The following PGCKA1 variants were observed in gnomAD, a reference collection of about 807,000 sequenced individuals.
The protein encoded by PGCKA1 is PDCD10 and GCKIII kinases associated 1, also known as PDCD10 and GCKIII kinases-associated protein 1.
the PGCKA1 span, among the ~76,000 whole-genome samples, chr4:37,526,239 C>A: frequency 6.6e-6 from 1 of 152,162 alleles, no homozygotes; most frequent in African/African-American, 2.4e-5. Context: ...TTATGAAATT[C>A]TTGGAAAGAG....
At chr4:37,551,699 T>C in the PGCKA1 span, among the ~76,000 whole-genome samples, 20 of 152,176 alleles carry the variant, frequency 1.3e-4, 1 homozygote, top group Non-Finnish European at 2.9e-5. Flanking sequence ...GTAGCACAGA[T>C]TCAACCCTGA....
chr4:37,474,225 G>A, the PGCKA1 span, among the ~76,000 whole-genome samples: 1 of 152,066 alleles, frequency 6.6e-6, no homozygotes, highest in Non-Finnish European at 1.5e-5. Flanking sequence ...GAAGAGTTCT[G>A]GCCCTCTTCC....
At chr4:37,537,066 C>A in the PGCKA1 span, among the ~76,000 whole-genome samples, 1 of 152,340 alleles carries the variant, frequency 6.6e-6, no homozygotes, top group South Asian at 2.1e-4. Context: ...ATAATTACAT[C>A]TTTCCAGTAA....
the PGCKA1 span, among the ~76,000 whole-genome samples, chr4:37,509,425 C>T: frequency 1.9e-4 from 26 of 137,288 alleles, no homozygotes; most frequent in African/African-American, 6.5e-4. Context: ...GAGATGCTCC[C>T]CACATCTCAG....
the PGCKA1 span, among the ~76,000 whole-genome samples, chr4:37,516,354 C>A: frequency 6.6e-6 from 1 of 152,190 alleles, no homozygotes; most frequent in Non-Finnish European, 1.5e-5. Flanking sequence ...TGACCGAAAT[C>A]GATGTTTTCC....
At chr4:37,468,948 A>G in the PGCKA1 span, among the ~76,000 whole-genome samples, 10 of 152,166 alleles carry the variant, frequency 6.6e-5, no homozygotes, top group South Asian at 2.1e-4. Flanking sequence ...TTAAACTAGG[A>G]TTTTGATATA....
At chr4:37,546,988 T>C in the PGCKA1 span, among the ~76,000 whole-genome samples, 3 of 152,262 alleles carry the variant, frequency 2.0e-5, no homozygotes, top group Non-Finnish European at 2.9e-5. Flanking sequence ...ACCCACGGCA[T>C]GCCTTAATCG....
At chr4:37,516,657 AT>A in the PGCKA1 span, among the ~76,000 whole-genome samples, 1 of 152,206 alleles carries the variant, frequency 6.6e-6, no homozygotes, top group African/African-American at 2.4e-5. Context: ...ACTAAGTCAC[AT>A]TGCCCAGAAA....
At chr4:37,468,203 T>A in the PGCKA1 span, among the ~76,000 whole-genome samples, 1 of 152,176 alleles carries the variant, frequency 6.6e-6, no homozygotes, top group Admixed American at 6.5e-5. Context: ...TTCTCATAGG[T>A]CCTTTTCACA....
the PGCKA1 span, among the ~76,000 whole-genome samples, chr4:37,469,749 A>G: frequency 6.6e-6 from 1 of 152,190 alleles, no homozygotes; most frequent in South Asian, 2.1e-4. Context: ...TTGGTATGAC[A>G]TATAGTTACT....
the PGCKA1 span, among the ~76,000 whole-genome samples, chr4:37,510,110 C>A: frequency 6.6e-5 from 10 of 152,090 alleles, no homozygotes; most frequent in African/African-American, 2.4e-4. Context: ...ATTCTGAATT[C>A]CTTCTCTGCA....
the PGCKA1 span, among the ~76,000 whole-genome samples, chr4:37,532,684 C>G: frequency 6.6e-6 from 1 of 152,124 alleles, no homozygotes; most frequent in Admixed American, 6.5e-5. Context: ...CATACCTTCC[C>G]CAAAACAAAG....
At chr4:37,496,036 A>C in the PGCKA1 span, among the ~76,000 whole-genome samples, 1 of 152,256 alleles carries the variant, frequency 6.6e-6, no homozygotes, top group East Asian at 1.9e-4. Flanking sequence ...TCTATAGACA[A>C]TCCATAACCT....
At chr4:37,464,114 C>T in the PGCKA1 span, among the ~76,000 whole-genome samples, 1 of 152,132 alleles carries the variant, frequency 6.6e-6, no homozygotes, top group South Asian at 2.1e-4. Flanking sequence ...AGGTGCTTAC[C>T]CTCTATTCAG....
chr4:37,535,073 C>A, the PGCKA1 span, among the ~76,000 whole-genome samples: 2 of 152,166 alleles, frequency 1.3e-5, no homozygotes, highest in African/African-American at 4.8e-5. Flanking sequence ...GACAACTAAT[C>A]CAGCTAGAGG....
chr4:37,476,394 T>G, the PGCKA1 span, among the ~76,000 whole-genome samples: 1 of 152,222 alleles, frequency 6.6e-6, no homozygotes, highest in Non-Finnish European at 1.5e-5. Context: ...GATAACATCT[T>G]GCCTATTGCT....
chr4:37,468,380 G>A, the PGCKA1 span, among the ~76,000 whole-genome samples: 3,984 of 152,218 alleles, frequency 0.026, 181 homozygotes, highest in African/African-American at 0.091. Context: ...TCCTTTGACC[G>A]AAATGAGAAA....
At chr4:37,561,866 T>TGAGC in the PGCKA1 span, among the ~76,000 whole-genome samples, 1 of 152,244 alleles carries the variant, frequency 6.6e-6, no homozygotes, top group South Asian at 2.1e-4. Flanking sequence ...GTATTGTTAA[T>TGAGC]TCATTAACAT....
At chr4:37,563,752 A>T in the PGCKA1 span, among the ~76,000 whole-genome samples, 2 of 152,140 alleles carry the variant, frequency 1.3e-5, no homozygotes, top group Non-Finnish European at 2.9e-5. Flanking sequence ...TCCTCTCCAC[A>T]TGGCCACCTC....
Sources: allele counts gnomAD v4.1 joint callset (sites outside exome capture counted in the v4.1 genomes callset), GRCh38; gene constraint gnomAD v4.1.1; transcripts MANE v1.5; gene names NCBI Gene and HGNC (gene_info 2026-07-23, HGNC 2026-07-21).